DMD: variants seen among roughly 807,000 people sequenced by gnomAD.
The protein encoded by DMD is mutant dystrophin.
In DMD, 63 loss-of-function variants were observed where a neutral mutation model predicts 330.1. The ratio of observed to expected loss-of-function variants is 0.19; its 90% CI spans 0.16 to 0.24. DMD has a LOEUF of 0.24. Ranked by LOEUF, DMD falls within the 10% of genes least tolerant of loss-of-function variation. DMD has a pLI of 1.00. For missense variants in DMD, 3,344 were observed against 2,684.1 expected (o/e 1.25, Z -5.43); for synonymous variants, 1,223 against 959.8 (o/e 1.27, Z -5.07).
intron 1 of DMD, among the ~76,000 whole-genome samples, chrX:33,165,443 T>C (rs1204831733): frequency 9.0e-6 from 1 of 111,691 alleles, no homozygotes; most frequent in African/African-American, 3.3e-5. Flanking sequence ...TATCACGCTA[T>C]CCTTCTTGTG....
At chrX:32,398,946 C>CA (rs2098066356) in intron 30 of DMD, among the ~76,000 whole-genome samples, 1 of 111,617 alleles carries the variant, frequency 9.0e-6, no homozygotes, top group Non-Finnish European at 1.9e-5. Flanking sequence ...CATACATCTA[C>CA]AGGGACCTAA....
intron 62 of DMD, among the ~76,000 whole-genome samples, chrX:31,267,664 C>A (rs1372767617): frequency 1.8e-5 from 2 of 112,591 alleles, no homozygotes; most frequent in East Asian, 2.8e-4. Context: ...CTTTAGTATT[C>A]TTTTAGGAAG....
intron 2 of DMD, among the ~76,000 whole-genome samples, chrX:32,936,816 A>G (rs2090054540): frequency 8.9e-6 from 1 of 112,035 alleles, no homozygotes; most frequent in Admixed American, 9.5e-5. Flanking sequence ...CTGGTGGGAT[A>G]AAACTGTATA....
rs1308802139 is a variant in DMD at position 33,276,326 on chromosome X, A to AT, written c.7+62932dup. ...TGGAGTATTTTTTTTTAATTATTTC[A>AT]TTTTTTAATTCTGTGATCAGGTCCT... On this transcript the variant is annotated intron_variant, in intron 1 of 17. Transcript: ENST00000288447. Among the ~76,000 whole-genome samples the AT allele has an allele frequency of 1.3e-4, 14 of 110,780 alleles. No homozygotes were observed. The East Asian group carries it at 4.0e-3, about 31-fold the overall frequency.
intron 26 of DMD, among the ~76,000 whole-genome samples, chrX:32,451,225 G>A (rs1400914979): frequency 9.1e-6 from 1 of 110,358 alleles, no homozygotes; most frequent in African/African-American, 3.3e-5. Flanking sequence ...AGAAATTCTG[G>A]GGTCAGGGCC....
intron 17 of DMD, among the ~76,000 whole-genome samples, chrX:32,529,170 C>T (rs1336606362): frequency 9.4e-6 from 1 of 106,175 alleles, no homozygotes; most frequent in Non-Finnish European, 1.9e-5. Context: ...TGTGATCCGC[C>T]CGACTCAGCC....
At chrX:32,806,373 AG>A (rs2076948436) in intron 7 of DMD, among the ~76,000 whole-genome samples, 2 of 112,241 alleles carry the variant, frequency 1.8e-5, no homozygotes, top group Non-Finnish European at 3.8e-5. Context: ...ATAATGGTAA[AG>A]GGATCAATGC....
At chrX:32,964,644 G>C (rs892721210) in intron 2 of DMD, among the ~76,000 whole-genome samples, 3 of 110,990 alleles carry the variant, frequency 2.7e-5, no homozygotes, top group African/African-American at 9.8e-5. Context: ...GGAGGCAGAG[G>C]TTGCAGTGAG....
chrX:33,114,192 C>T (rs2095363873), intron 1 of DMD, among the ~76,000 whole-genome samples: 2 of 107,361 alleles, frequency 1.9e-5, no homozygotes, highest in Admixed American at 2.0e-4. Flanking sequence ...TTACTGCAGC[C>T]TCCACCTCCC....
intron 76 of DMD, among the ~76,000 whole-genome samples, chrX:31,143,296 G>A (rs1419680011): frequency 4.5e-5 from 5 of 110,336 alleles, no homozygotes; most frequent in Admixed American, 9.6e-5. Context: ...TAGTGAGTTC[G>A]CATAAGATCT....
At chrX:32,913,424 C>G (rs1197290568) in intron 2 of DMD, among the ~76,000 whole-genome samples, 1 of 112,007 alleles carries the variant, frequency 8.9e-6, no homozygotes, top group Non-Finnish European at 1.9e-5. Flanking sequence ...CTAAGGAAAA[C>G]AGGCTATAGG....
intron 44 of DMD, among the ~76,000 whole-genome samples, chrX:31,988,805 C>G (rs1471342374): frequency 9.0e-6 from 1 of 110,707 alleles, no homozygotes; most frequent in Admixed American, 9.6e-5. Context: ...CTCTCTCTCT[C>G]TCGAAACCAG....
intron 47 of DMD, among the ~76,000 whole-genome samples, chrX:31,927,871 T>C (rs1213367304): frequency 1.8e-5 from 2 of 111,961 alleles, no homozygotes; most frequent in African/African-American, 3.2e-5. Context: ...AGATGTTGAC[T>C]GAGCTCCAGA....
chrX:32,731,596 G>C (rs1374229550), intron 7 of DMD, among the ~76,000 whole-genome samples: 2 of 112,268 alleles, frequency 1.8e-5, no homozygotes, highest in African/African-American at 6.5e-5. Context: ...TCAAGTGGGT[G>C]CCTGACCCCT....
At chrX:32,831,390 T>C (rs1310985954) in intron 4 of DMD, among the ~76,000 whole-genome samples, 5 of 111,189 alleles carry the variant, frequency 4.5e-5, no homozygotes, top group Admixed American at 9.7e-5. Context: ...ACCTGAAATA[T>C]GATGGTTTTC....
chrX:31,835,754 C>T (rs1315196930), intron 49 of DMD, among the ~76,000 whole-genome samples: 1 of 111,628 alleles, frequency 9.0e-6, no homozygotes, highest in Non-Finnish European at 1.9e-5. Flanking sequence ...ACCTTAGAGA[C>T]AGAATCTAAG....
At chrX:31,590,633 C>T (rs1311846011) in intron 55 of DMD, among the ~76,000 whole-genome samples, 1 of 111,146 alleles carries the variant, frequency 9.0e-6, no homozygotes, top group African/African-American at 3.3e-5. Context: ...TCTCACATCA[C>T]CAATATCCAA....
Position 32,366,579 on chromosome X carries a change from T to TC in DMD, c.4846-1381_4846-1380insG, listed in dbSNP as rs1192455659. ...TAATGCCAGCCTACATCTAATTTCT[T>TC]AAGAAAAAAATTACAGTACAAGAGT... On this transcript the variant is annotated intron_variant, in intron 34 of 78. Coordinates refer to ENST00000357033, the MANE Select transcript of DMD (RefSeq NM_004006.3). Among the ~76,000 whole-genome samples the TC allele has an allele frequency of 4.5e-5, 5 of 111,891 alleles. No individual in the cohort carries two copies. In the South Asian group the frequency reaches 1.9e-3, roughly 42 times the overall value.
At position 32,295,498 on chromosome X, in the gene DMD, A is replaced by G. The variant is rs144904748; in HGVS notation, c.6118-7797T>C. Among the ~76,000 whole-genome samples the G allele has an allele frequency of 5.3e-5, 6 of 112,743 alleles. No homozygotes were observed. In the East Asian group the frequency reaches 1.7e-3, roughly 32 times the overall value. On this transcript the variant is annotated intron_variant, in intron 42 of 78. Coordinates refer to ENST00000357033, the MANE Select transcript of DMD (RefSeq NM_004006.3). Reference sequence around the variant, plus strand: ...TTATTGATAATACAGACATAATATCAGCCTCAAATGTGAGATATGAAAATA... The same window carrying G: ...TTATTGATAATACAGACATAATATCGGCCTCAAATGTGAGATATGAAAATA...
Sources: allele counts gnomAD v4.1 joint callset (sites outside exome capture counted in the v4.1 genomes callset), GRCh38; gene constraint gnomAD v4.1.1; transcripts MANE v1.5; gene names NCBI Gene and HGNC (gene_info 2026-07-23, HGNC 2026-07-21).